The following DDX24 variants were observed in gnomAD, a reference collection of about 807,000 sequenced individuals.
DDX24 encodes DEAD-box helicase 24.
A neutral mutation model predicts 68.9 loss-of-function variants in DDX24; 24 were observed. The ratio of observed to expected loss-of-function variants is 0.35; its 90% CI spans 0.25 to 0.49. The LOEUF is 0.49. DDX24 is among the 20% of genes least tolerant of loss of function. The pLI, the probability that DDX24 is intolerant of heterozygous loss-of-function variation, is 0.99. For missense variants in DDX24, 989 were observed against 1,039.0 expected, an observed-to-expected ratio of 0.95 and a Z score of 0.66; for synonymous variants, 395 against 385.2, an observed-to-expected ratio of 1.03 and a Z score of -0.30.
chr14:94,051,075 G>T lies in DDX24; in HGVS notation c.*116C>A. The T allele has an allele frequency of 7.8e-7, 1 of 1,288,478 alleles. No homozygotes were observed. Among genetic ancestry groups the T allele is most frequent in the Non-Finnish European group, 1.1e-6 (1 of 950,272 alleles). The allele number at this position is 1,288,478 out of a possible 1,614,324, so 79.8% of individuals were successfully genotyped here. A position where few individuals can be genotyped will look rare whatever the true frequency, so the allele number is the denominator to read the frequency against. On this transcript the variant is annotated 3_prime_UTR_variant, in exon 9 of 9. Coordinates refer to ENST00000621632, the MANE Select transcript of DDX24 (RefSeq NM_020414.4). The stretch of plus-strand genomic sequence containing the variant: ...TCTCCCGCTATGGGTGTGAGTGGAA[G>T]AGAGGGAGACTTTTTTACCTGGGGT...
In DDX24 at chr14:94,051,355, T is replaced by C; in HGVS notation, c.2416A>G (p.Lys806Glu). The change falls in exon 9 of 9, where the codon AAA becomes GAA. Residue 806 changes from lysine to glutamate, a missense_variant. Lys to Glu is a moderately conservative substitution (Grantham distance 56). This residue lies in a region of DDX24 where 691 missense variants were observed against 760.0 expected (regional missense o/e 0.91). Transcript: ENST00000621632. ...CCAGACTGAGTGGGATACTTGGTTTTCTGGCTCTCCGTAAACAGTGGCTGG... is the reference window on the plus strand; with the variant it reads ...CCAGACTGAGTGGGATACTTGGTTTCCTGGCTCTCCGTAAACAGTGGCTGG... ...LSQPLFTESQ[K>E]TKYPTQSGKP... The C allele has an allele frequency of 1.2e-6, 2 of 1,613,490 alleles. No individual in the cohort carries two copies. Among genetic ancestry groups the C allele is most frequent in the Non-Finnish European group, 1.7e-6 (2 of 1,179,912 alleles).
intron 2 of DDX24, among the ~76,000 whole-genome samples, chr14:94,078,028 T>TAA (rs559505980): frequency 6.0e-4 from 86 of 142,362 alleles, no homozygotes; most frequent in African/African-American, 2.0e-3. Context: ...TTCGGGGGGG[T>TAA]AAAAAAAAAA....
At chr14:94,057,795 T>C (rs1373438417) in intron 6 of DDX24, 27 bp downstream of exon 6, 1 of 1,610,382 alleles carries the variant, frequency 6.2e-7, no homozygotes, top group Non-Finnish European at 8.5e-7. Flanking sequence ...TGCAGGCAGA[T>C]GCCTATAAAT....
chr14:94,079,957 G>A (rs1446825346), intron 1 of DDX24, among the ~76,000 whole-genome samples: 2 of 152,026 alleles, frequency 1.3e-5, no homozygotes, highest in Non-Finnish European at 2.9e-5. Context: ...ATGGAACAAA[G>A]ACATATGAGC....
intron 2 of DDX24, among the ~76,000 whole-genome samples, chr14:94,075,821 C>T (rs1292383850): frequency 2.0e-5 from 3 of 152,260 alleles, no homozygotes; most frequent in African/African-American, 7.2e-5. Context: ...ACAGAACATC[C>T]CTATTTTAAA....
At chr14:94,080,680 C>A (rs1363722501) in intron 1 of DDX24, among the ~76,000 whole-genome samples, 1 of 152,012 alleles carries the variant, frequency 6.6e-6, no homozygotes, top group Non-Finnish European at 1.5e-5. Context: ...GCCCGCCGGA[C>A]CCGCTGCGCC....
intron 2 of DDX24, among the ~76,000 whole-genome samples, chr14:94,067,679 T>C (rs1885731923): frequency 6.6e-6 from 1 of 152,198 alleles, no homozygotes; most frequent in East Asian, 1.9e-4. Context: ...GGGCCCTATC[T>C]TCAACCTCCT....
At position 94,060,351 on chromosome 14, in the gene DDX24, T is replaced by G; in HGVS notation, c.1660A>C (p.Thr554Pro). ...MRGKPKVIDL[T>P]RNEATVETLT... ...GTCTCCACCGTGGCCTCATTCCTTG[T>G]GAGGTCAATGACCTTGGGCTTGCCC... The change falls in exon 5 of 9, where the codon ACA becomes CCA. Residue 554 changes from threonine to proline, a missense_variant. Thr to Pro is a conservative substitution (Grantham distance 38). Around this residue, in one of 3 missense-constraint regions of DDX24, gnomAD observed 691 missense variants for 760.0 expected, o/e 0.91. Coordinates refer to ENST00000621632, the MANE Select transcript of DDX24 (RefSeq NM_020414.4). 1 of 1,614,230 alleles carries G rather than the reference T, an allele frequency of 6.2e-7. No individual in the cohort carries two copies.
In DDX24 at chr14:94,079,266, C is replaced by T. The variant is rs1242077801; in HGVS notation, c.477G>A (p.Gly159=). 1.9e-5 allele frequency: 31 copies of T among 1,613,948 alleles called. No individual in the cohort carries two copies. The highest frequency in any genetic ancestry group is 2.5e-5 in the Non-Finnish European group (30 of 1,180,010). The change falls in exon 2 of 9, where the codon GGG becomes GGA. Residue 159 remains glycine (G), a synonymous_variant. Coordinates refer to ENST00000621632, the MANE Select transcript of DDX24 (RefSeq NM_020414.4). ...QTAPKKKKNK[G]KKGLEPSQST... Reference sequence around the variant, plus strand: ...TCTGAGAAGGCTCCAACCCTTTTTTCCCTTTATTTTTCTTCTTTTTTGGAG... The same window carrying T: ...TCTGAGAAGGCTCCAACCCTTTTTTTCCTTTATTTTTCTTCTTTTTTGGAG...
rs1048712718 is a variant in DDX24, at chr14:94,062,292, C to T, written c.1048G>A (p.Val350Ile). The T allele has an allele frequency of 6.2e-7, 1 of 1,614,112 alleles. No individual in the cohort carries two copies. Among genetic ancestry groups the T allele is most frequent in the Admixed American group, 1.7e-5 (1 of 60,018 alleles). ...TCCTCATTCTCATTCTGTTTGGGAACAGGTTTCTCCCTGATCAGGGAAGAA... is the reference window on the plus strand; with the variant it reads ...TCCTCATTCTCATTCTGTTTGGGAATAGGTTTCTCCCTGATCAGGGAAGAA... ...GPSSLIREKP[V>I]PKQNENEEEN... The change falls in exon 3 of 9, where the codon GTT becomes ATT. Residue 350 changes from valine (V) to isoleucine (I), a missense_variant. Physicochemically the swap from Val to Ile is conservative, Grantham distance 29. Around this residue, in one of 3 missense-constraint regions of DDX24, gnomAD observed 691 missense variants for 760.0 expected, o/e 0.91. Transcript: ENST00000621632.
At chr14:94,052,057 C>T (rs1045228470) in intron 8 of DDX24, among the ~76,000 whole-genome samples, 34 of 152,260 alleles carry the variant, frequency 2.2e-4, no homozygotes, top group African/African-American at 8.2e-4. Flanking sequence ...AGCCCCAACC[C>T]TGAGCCACCA....
At chr14:94,068,582 A>G (rs1056304179) in intron 2 of DDX24, among the ~76,000 whole-genome samples, 18 of 152,210 alleles carry the variant, frequency 1.2e-4, no homozygotes, top group African/African-American at 4.3e-4. Flanking sequence ...AGCACATGGA[A>G]CTTTCTCCAA....
intron 2 of DDX24, among the ~76,000 whole-genome samples, chr14:94,068,334 C>T (rs1442895387): frequency 6.6e-6 from 1 of 152,128 alleles, no homozygotes. Flanking sequence ...CATATATGCA[C>T]CTAACACTGG....
intron 2 of DDX24, among the ~76,000 whole-genome samples, chr14:94,067,786 G>C (rs748817893): frequency 5.2e-4 from 77 of 148,916 alleles, no homozygotes; most frequent in Admixed American, 8.9e-4. Context: ...AACAAATGTA[G>C]AGACAATTTG....
At chr14:94,075,318 T>C (rs1468735353) in intron 2 of DDX24, among the ~76,000 whole-genome samples, 1 of 152,104 alleles carries the variant, frequency 6.6e-6, no homozygotes, top group Non-Finnish European at 1.5e-5. Context: ...AACAGATCAA[T>C]GGAAAACAAA....
At chr14:94,070,424 A>G (rs1885806181) in intron 2 of DDX24, among the ~76,000 whole-genome samples, 1 of 152,214 alleles carries the variant, frequency 6.6e-6, no homozygotes, top group African/African-American at 2.4e-5. Context: ...TATTGTGAAA[A>G]TGACTGTTGC....
At position 94,061,001 on chromosome 14, in the gene DDX24, G is replaced by T; in HGVS notation, c.1309C>A (p.Arg437Ser). Residue 437 changes from arginine (R) to serine (S), a missense_variant, in exon 4 of 9, where the codon CGT (arginine) becomes AGT (serine). Arg to Ser is a moderately radical substitution (Grantham distance 110). This residue lies in a region of DDX24 where 691 missense variants were observed against 760.0 expected (regional missense o/e 0.91). Coordinates refer to ENST00000621632, the MANE Select transcript of DDX24 (RefSeq NM_020414.4). Reference protein sequence around the residue: ...TQKQQRMLNRRPEIVVATPGR... With the variant: ...TQKQQRMLNRSPEIVVATPGR... Reference sequence around the variant, plus strand: ...GGAGTAGCAACCACAATCTCAGGACGACGGTTCAGCATCCTCTGCTGTTTC... The same window carrying T: ...GGAGTAGCAACCACAATCTCAGGACTACGGTTCAGCATCCTCTGCTGTTTC... The T allele has an allele frequency of 1.2e-6, 2 of 1,614,180 alleles. No homozygotes were observed. Among genetic ancestry groups the T allele is most frequent in the Non-Finnish European group, 1.7e-6 (2 of 1,180,028 alleles).
At chr14:94,055,312 G>A in intron 6 of DDX24, 128 bp from the exon 7 acceptor site, 1 of 912,366 alleles carries the variant, frequency 1.1e-6, no homozygotes, top group Non-Finnish European at 1.6e-6. Context: ...CTGCAGCATT[G>A]TAGAGCAATC....
intron 2 of DDX24, among the ~76,000 whole-genome samples, chr14:94,072,519 G>C (rs889583344): frequency 6.6e-6 from 1 of 152,184 alleles, no homozygotes; most frequent in Admixed American, 6.5e-5. Context: ...TCGGGTGATA[G>C]GTGCACCAAA....
Sources: allele counts gnomAD v4.1 joint callset (sites outside exome capture counted in the v4.1 genomes callset), GRCh38; gene constraint gnomAD v4.1.1; regional missense constraint gnomAD v4.1.1; transcripts MANE v1.5; gene names NCBI Gene and HGNC (gene_info 2026-07-23, HGNC 2026-07-21).